The following QSER1 variants were observed in gnomAD, a reference collection of about 807,000 sequenced individuals.
QSER1 encodes glutamine and serine rich 1, also known as glutamine and serine-rich protein 1.
Under a neutral mutation model 158.5 loss-of-function variants are expected in QSER1, and 49 were observed. The ratio of observed to expected loss-of-function variants is 0.31; its 90% confidence interval spans 0.25 to 0.39. QSER1 has a LOEUF of 0.39. Ranked by LOEUF, QSER1 falls within the 10% of genes least tolerant of loss-of-function variation. The pLI is 1.00. For missense variants in QSER1, 1,754 were observed against 2,010.3 expected, an observed-to-expected ratio of 0.87 and a Z score of 2.44; for synonymous variants, 650 against 715.5, an observed-to-expected ratio of 0.91 and a Z score of 1.46.
At position 32,933,870 on chromosome 11, in the gene QSER1, A is replaced by G. The variant is rs1412980005; in HGVS notation, c.2612A>G (p.Gln871Arg). The change falls in exon 4 of 13, where the codon CAG (glutamine) becomes CGG (arginine). Residue 871 changes from glutamine (Q) to arginine (R), a missense_variant. By Grantham distance (43) the Gln-to-Arg change is conservative (BLOSUM62 1). Coordinates refer to ENST00000650167, the MANE Select transcript of QSER1 (RefSeq NM_001076786.3). ...DLQILQQSILQAGLGQVKASL... is the reference protein window; with the variant it reads ...DLQILQQSILRAGLGQVKASL... ...CAAATTCTTCAGCAGTCAATACTGC[A>G]GGCAGGTTTAGGTCAAGTAAAGGCA... The G allele has an allele frequency of 3.7e-6, 6 of 1,613,412 alleles. No individual in the cohort carries two copies. The highest frequency in any genetic ancestry group is 1.3e-5 in the African/African-American group (1 of 74,918).
chr11:32,939,677 C>G (rs984735771), intron 4 of QSER1, among the ~76,000 whole-genome samples: 10 of 152,060 alleles, frequency 6.6e-5, no homozygotes, highest in African/African-American at 2.4e-4. Flanking sequence ...GTTTTCAAGG[C>G]TTTTGCTTTG....
chr11:32,958,007 G>A lies in QSER1; in HGVS notation c.4890G>A (p.Arg1630=), dbSNP rs1852552431. Residue 1630 remains arginine, a synonymous_variant, in exon 8 of 13, where the codon CGG becomes CGA. Coordinates refer to ENST00000650167, the MANE Select transcript of QSER1 (RefSeq NM_001076786.3). ...AGGCTGAGCCACCACCAAAGAAACGGAAAAAATGGAAAGAAGAATTTTCAT... is the reference window on the plus strand; with the variant it reads ...AGGCTGAGCCACCACCAAAGAAACGAAAAAAATGGAAAGAAGAATTTTCAT... ...KVKAEPPPKK[R]KKWKEEFSSS... The A allele has an allele frequency of 3.7e-6, 6 of 1,613,846 alleles. No individual in the cohort carries two copies. The highest frequency in any genetic ancestry group is 5.1e-6 in the Non-Finnish European group (6 of 1,179,988).
chr11:32,935,836 C>T (rs1759430291), intron 4 of QSER1, among the ~76,000 whole-genome samples: 1 of 152,074 alleles, frequency 6.6e-6, no homozygotes, highest in East Asian at 1.9e-4. Context: ...TTGCAATAGT[C>T]CAGGTGACAA....
chr11:32,931,079 C>CT (rs532201687), intron 3 of QSER1, among the ~76,000 whole-genome samples: 114 of 147,716 alleles, frequency 7.7e-4, no homozygotes, highest in African/African-American at 2.6e-3. Flanking sequence ...GGCAATTTAG[C>CT]TTTTTTTTTT....
intron 4 of QSER1, 101 bp downstream of exon 4, chr11:32,935,536 A>G (rs1852140072): frequency 1.9e-5 from 17 of 874,038 alleles, no homozygotes; most frequent in Non-Finnish European, 2.7e-5. Flanking sequence ...GTCTGCAAGT[A>G]CATTTTCAGG....
intron 1 of QSER1, among the ~76,000 whole-genome samples, chr11:32,915,912 T>A (rs1851824352): frequency 6.6e-6 from 1 of 151,828 alleles, no homozygotes. Flanking sequence ...GTTGGATGAA[T>A]ATAATTTTGT....
rs1236123881 is a variant in QSER1, at chr11:32,932,806, T to C, written c.1548T>C (p.Pro516=). Reference sequence around the variant, plus strand: ...CTGGGTCATCTCAGACTGTAACTCCTGAAAATCAGACGCTTAATTATTCAT... The same window carrying C: ...CTGGGTCATCTCAGACTGTAACTCCCGAAAATCAGACGCTTAATTATTCAT... ...TFSGSSQTVT[P]ENQTLNYSSN... The change falls in exon 4 of 13, where the codon CCT becomes CCC. Residue 516 remains proline, a synonymous_variant. Transcript: ENST00000650167. The C allele has an allele frequency of 3.7e-6, 6 of 1,614,020 alleles. No homozygotes were observed. The highest frequency in any genetic ancestry group is 1.7e-5 in the Admixed American group (1 of 59,990).
At chr11:32,895,334 C>A (rs570487249) in intron 1 of QSER1, among the ~76,000 whole-genome samples, 2 of 152,126 alleles carry the variant, frequency 1.3e-5, no homozygotes, top group African/African-American at 4.8e-5. Flanking sequence ...GGTTTACCCC[C>A]CTCCCCCGCC....
In QSER1 at chr11:32,934,491, C is replaced by T. The variant is rs747778499; in HGVS notation, c.3233C>T (p.Thr1078Ile). The T allele has an allele frequency of 5.6e-6, 9 of 1,613,546 alleles. No individual in the cohort carries two copies. The highest frequency in any genetic ancestry group is 4.0e-5 in the African/African-American group (3 of 74,910). ...ACTCTTGATCAACAGCACATTGAAA[C>T]ACCTGGTCAAAATATACCAACTAAA... ...KMTLDQQHIE[T>I]PGQNIPTKVT... Residue 1078 changes from threonine to isoleucine, a missense_variant, in exon 4 of 13, where the codon ACA becomes ATA. Thr to Ile is a moderately conservative substitution (Grantham distance 89, BLOSUM62 -1). This residue lies in a region of QSER1 where 1,707 missense variants were observed against 1,919.6 expected (regional missense o/e 0.89). Transcript: ENST00000650167.
At chr11:32,969,207 A>G (rs1315589666) in intron 10 of QSER1, 64 bp downstream of exon 10, 2 of 965,278 alleles carry the variant, frequency 2.1e-6, no homozygotes, top group Non-Finnish European at 3.1e-6. Context: ...GTATAATAGG[A>G]AGGAAATTTA....
intron 4 of QSER1, among the ~76,000 whole-genome samples, chr11:32,941,392 C>G (rs1203872665): frequency 7.6e-6 from 1 of 132,402 alleles, no homozygotes; most frequent in Admixed American, 7.8e-5. Flanking sequence ...CCTCCACCCC[C>G]CACAACAGTC....
In QSER1 at chr11:32,935,078, G is replaced by T; in HGVS notation, c.3820G>T (p.Val1274Phe). 6.2e-7 allele frequency: 1 copy of T among 1,614,078 alleles called. No individual in the cohort carries two copies. The highest frequency in any genetic ancestry group is 8.5e-7 in the Non-Finnish European group (1 of 1,180,002). The part of the protein sequence containing the change: ...IKEVEEKQPE[V>F]KTGFIASFLD... ...AGAGGTGGAGGAAAAACAACCAGAAGTCAAAACAGGATTTATTGCTTCTTT... is the reference window on the plus strand; with the variant it reads ...AGAGGTGGAGGAAAAACAACCAGAATTCAAAACAGGATTTATTGCTTCTTT... The change falls in exon 4 of 13, where the codon GTC (valine) becomes TTC (phenylalanine). Residue 1274 changes from valine (V) to phenylalanine (F), a missense_variant. By Grantham distance (50) the Val-to-Phe change is conservative. Around this residue, in one of 2 missense-constraint regions of QSER1, gnomAD observed 1,707 missense variants for 1,919.6 expected, o/e 0.89. Coordinates refer to ENST00000650167, the MANE Select transcript of QSER1 (RefSeq NM_001076786.3).
chr11:32,977,194 A>C lies in QSER1; in HGVS notation c.*720A>C, dbSNP rs1852993051. The C allele has an allele frequency of 6.6e-6, 1 of 152,512 alleles. No homozygotes were observed. 9.4% of individuals were successfully genotyped at this position (152,512 alleles called of 1,614,324 possible). On this transcript the variant is annotated 3_prime_UTR_variant, in exon 13 of 13. Coordinates refer to ENST00000650167, the MANE Select transcript of QSER1 (RefSeq NM_001076786.3). Reference sequence around the variant, plus strand: ...TCCTTTGGAAAATTTTCAATTGTACATTTTATTTCACTGATAGTTGTATTT... The same window carrying C: ...TCCTTTGGAAAATTTTCAATTGTACCTTTTATTTCACTGATAGTTGTATTT...
intron 8 of QSER1, among the ~76,000 whole-genome samples, 200 bp from the exon 9 acceptor site, chr11:32,966,100 C>G (rs1001968077): frequency 6.6e-6 from 1 of 152,110 alleles, no homozygotes; most frequent in Non-Finnish European, 1.5e-5. Flanking sequence ...GGTTTTTGTT[C>G]TATTGTTAAC....
chr11:32,942,817 C>T (rs1409180691), intron 4 of QSER1, among the ~76,000 whole-genome samples: 2 of 151,970 alleles, frequency 1.3e-5, no homozygotes, highest in East Asian at 1.9e-4. Flanking sequence ...TGTAAATTAC[C>T]TTGGGCAGTA....
chr11:32,964,659 T>C (rs1852692114), intron 8 of QSER1, among the ~76,000 whole-genome samples: 1 of 137,410 alleles, frequency 7.3e-6, no homozygotes. Context: ...AGGCTGAGAG[T>C]TCAAGACCAG....
At chr11:32,935,634 C>T (rs1376694279) in intron 4 of QSER1, among the ~76,000 whole-genome samples, 199 bp downstream of exon 4, 1 of 152,132 alleles carries the variant, frequency 6.6e-6, no homozygotes, top group Non-Finnish European at 1.5e-5. Context: ...TTAAGTAGTT[C>T]TGCTTTTTCT....
intron 11 of QSER1, among the ~76,000 whole-genome samples, chr11:32,973,799 C>T (rs1852917537): frequency 6.6e-6 from 1 of 152,128 alleles, no homozygotes; most frequent in South Asian, 2.1e-4. Flanking sequence ...AAGAAATCAT[C>T]TCGTGCTCAT....
At position 32,954,029 on chromosome 11, in the gene QSER1, T is replaced by C; in HGVS notation, c.4350T>C (p.Asp1450=). 6.2e-7 allele frequency: 1 copy of C among 1,614,198 alleles called. No homozygotes were observed. Among genetic ancestry groups the C allele is most frequent in the Non-Finnish European group, 8.5e-7 (1 of 1,180,026 alleles). The change falls in exon 5 of 13, where the codon GAT becomes GAC. Residue 1450 remains aspartate (D), a synonymous_variant. Coordinates refer to ENST00000650167, the MANE Select transcript of QSER1 (RefSeq NM_001076786.3). ...AATCCTCAAAGCCCATTGAACTTGA[T>C]GGTCTTCCTTCAGACCAGTTTGCAA... ...SSESSKPIEL[D]GLPSDQFAKG...
Sources: gnomAD v4.1 joint callset for allele counts (sites outside exome capture counted in the v4.1 genomes callset) on GRCh38, gnomAD v4.1.1 for gene constraint, gnomAD v4.1.1 regional missense constraint, MANE v1.5 for transcripts, NCBI Gene and HGNC (gene_info 2026-07-23, HGNC 2026-07-21) for gene names.